EXOC6B: variants seen among roughly 807,000 people sequenced by gnomAD.
EXOC6B encodes the protein exocyst complex component 6B, also known as SEC15 homolog B.
A neutral mutation model predicts 113.5 loss-of-function variants in EXOC6B; 54 were observed. The ratio of observed to expected loss-of-function variants is 0.48; its 90% CI spans 0.38 to 0.60. EXOC6B has a LOEUF of 0.60. EXOC6B is among the 20% of genes least tolerant of loss of function. EXOC6B has a pLI of 0.00. For missense variants in EXOC6B, 797 were observed against 977.5 expected, an observed-to-expected ratio of 0.82 and a Z score of 2.46; for synonymous variants, 357 against 339.0, an observed-to-expected ratio of 1.05 and a Z score of -0.58.
chr2:72,369,215 C>A (rs1261864706), intron 19 of EXOC6B, among the ~76,000 whole-genome samples: 1 of 152,088 alleles, frequency 6.6e-6, no homozygotes, highest in Non-Finnish European at 1.5e-5. Context: ...TTCTTATATA[C>A]CAATAACAGA....
At chr2:72,760,880 C>T (rs1682701835) in intron 1 of EXOC6B, among the ~76,000 whole-genome samples, 2 of 152,080 alleles carry the variant, frequency 1.3e-5, no homozygotes. Flanking sequence ...TTTCACTTCT[C>T]TCAAAAATGA....
chr2:72,253,406 C>G (rs754081663), intron 20 of EXOC6B, among the ~76,000 whole-genome samples: 35 of 152,116 alleles, frequency 2.3e-4, no homozygotes, highest in Middle Eastern at 3.2e-3. Context: ...AAATATTTTT[C>G]CGAGCACTAT....
intron 7 of EXOC6B, among the ~76,000 whole-genome samples, chr2:72,564,755 T>C (rs747046595): frequency 3.9e-5 from 6 of 152,204 alleles, no homozygotes; most frequent in Non-Finnish European, 7.3e-5. Context: ...CTGGAAGGCC[T>C]ATAATTTTAA....
intron 6 of EXOC6B, among the ~76,000 whole-genome samples, chr2:72,580,744 G>C (rs1473899964): frequency 6.6e-6 from 1 of 152,090 alleles, no homozygotes; most frequent in Non-Finnish European, 1.5e-5. Context: ...CCTGCCCTAG[G>C]ACTTTTCTAA....
At chr2:72,420,287 T>C (rs888376862) in intron 18 of EXOC6B, among the ~76,000 whole-genome samples, 1 of 152,216 alleles carries the variant, frequency 6.6e-6, no homozygotes, top group Admixed American at 6.5e-5. Flanking sequence ...GTGCAGAATG[T>C]GCAGGTTTGT....
At chr2:72,189,857 C>CTTT (rs1678708947) in intron 20 of EXOC6B, among the ~76,000 whole-genome samples, 1 of 76,260 alleles carries the variant, frequency 1.3e-5, no homozygotes, top group African/African-American at 1.1e-4. Flanking sequence ...TCTCCTTCTT[C>CTTT]TTCTTTTTTT....
intron 6 of EXOC6B, among the ~76,000 whole-genome samples, chr2:72,617,517 C>CCTT (rs1308850857): frequency 1.0e-5 from 1 of 96,952 alleles, no homozygotes; most frequent in African/African-American, 3.8e-5. Flanking sequence ...AATCTTTTTT[C>CCTT]TTTTTTTTTT....
chr2:72,261,253 A>G (rs1683694408), intron 20 of EXOC6B, among the ~76,000 whole-genome samples: 2 of 152,228 alleles, frequency 1.3e-5, no homozygotes, highest in Admixed American at 6.5e-5. Context: ...CAAGTAGAAG[A>G]ACATGGTTGG....
chr2:72,672,609 A>G (rs1434570103), intron 6 of EXOC6B, among the ~76,000 whole-genome samples: 1 of 152,116 alleles, frequency 6.6e-6, no homozygotes, highest in Non-Finnish European at 1.5e-5. Context: ...TATATACACA[A>G]TGGAATACTA....
intron 17 of EXOC6B, among the ~76,000 whole-genome samples, chr2:72,470,704 G>A (rs1698349748): frequency 6.7e-6 from 1 of 149,738 alleles, no homozygotes; most frequent in Admixed American, 6.7e-5. Context: ...ACCTAGGAGT[G>A]AGAACATGTG....
intron 19 of EXOC6B, among the ~76,000 whole-genome samples, chr2:72,378,539 C>T (rs188875187): frequency 6.6e-6 from 1 of 152,256 alleles, no homozygotes; most frequent in African/African-American, 2.4e-5. Flanking sequence ...TGTAGTTTAT[C>T]CAATTTACAA....
At chr2:72,223,205 A>T (rs914667922) in intron 20 of EXOC6B, among the ~76,000 whole-genome samples, 2 of 151,648 alleles carry the variant, frequency 1.3e-5, no homozygotes, top group African/African-American at 4.8e-5. Context: ...ACAGTCACTG[A>T]GAGACCACTA....
intron 20 of EXOC6B, among the ~76,000 whole-genome samples, chr2:72,204,457 C>T (rs528390054): frequency 6.6e-6 from 1 of 152,026 alleles, no homozygotes; most frequent in East Asian, 1.9e-4. Context: ...TTACAGTTGG[C>T]CAGGCCAAGA....
chr2:72,491,964 T>C (rs1009615524), intron 16 of EXOC6B, among the ~76,000 whole-genome samples: 3 of 152,146 alleles, frequency 2.0e-5, no homozygotes, highest in African/African-American at 7.2e-5. Context: ...ATATTCTACG[T>C]TGTACATGAA....
At chr2:72,802,656 A>G (rs1055711815) in intron 1 of EXOC6B, among the ~76,000 whole-genome samples, 1 of 152,208 alleles carries the variant, frequency 6.6e-6, no homozygotes, top group Non-Finnish European at 1.5e-5. Context: ...TTTCAAAATC[A>G]GAAAGAAAAG....
intron 19 of EXOC6B, among the ~76,000 whole-genome samples, chr2:72,377,998 C>G (rs549706020): frequency 6.6e-6 from 1 of 151,480 alleles, no homozygotes; most frequent in Non-Finnish European, 1.5e-5. Flanking sequence ...TCCTCTAGAG[C>G]TTTGAGTAGC....
intron 20 of EXOC6B, among the ~76,000 whole-genome samples, chr2:72,210,850 G>C (rs1393188592): frequency 6.6e-6 from 1 of 152,210 alleles, no homozygotes; most frequent in African/African-American, 2.4e-5. Flanking sequence ...CATCCCAAAA[G>C]GTCAGTCGGC....
intron 1 of EXOC6B, among the ~76,000 whole-genome samples, chr2:72,801,620 A>G (rs930213801): frequency 6.6e-6 from 1 of 152,208 alleles, no homozygotes; most frequent in Admixed American, 6.5e-5. Flanking sequence ...TTTCTGTAAC[A>G]TGAAAATAAA....
At chr2:72,347,404 G>A (rs1689401215) in intron 19 of EXOC6B, among the ~76,000 whole-genome samples, 1 of 152,044 alleles carries the variant, frequency 6.6e-6, no homozygotes, top group Non-Finnish European at 1.5e-5. Flanking sequence ...TGATTATTCT[G>A]CCATATGAAC....
Sources: gnomAD v4.1 joint callset for allele counts (sites outside exome capture counted in the v4.1 genomes callset) on GRCh38, gnomAD v4.1.1 for gene constraint, MANE v1.5 for transcripts, NCBI Gene and HGNC (gene_info 2026-07-23, HGNC 2026-07-21) for gene names.